ZFYVE28: variants seen among roughly 807,000 people sequenced by gnomAD.
The protein encoded by ZFYVE28 is zinc finger FYVE-type containing 28, also known as lateral signaling target protein 2 homolog.
In ZFYVE28, 40 loss-of-function variants were observed where a neutral mutation model predicts 82.1. The ratio of observed to expected loss-of-function variants is 0.49; its 90% confidence interval spans 0.38 to 0.63. The LOEUF (loss-of-function observed/expected upper bound fraction) is 0.63, where lower values mean the gene tolerates loss of function less well. ZFYVE28 is among the 30% of genes least tolerant of loss of function. The pLI is 0.00. For missense variants in ZFYVE28, 1,321 were observed against 1,242.1 expected (o/e 1.06, Z -0.96); for synonymous variants, 612 against 546.1 (o/e 1.12, Z -1.68).
Position 2,325,497 on chromosome 4 carries a change from C to T in ZFYVE28, c.702-5226G>A, listed in dbSNP as rs1719722516. 2.0e-5 allele frequency among the ~76,000 whole-genome samples: 3 copies of T among 151,732 alleles called. No homozygotes were observed. In the South Asian group the frequency reaches 6.2e-4, roughly 31 times the overall value. On this transcript the variant is annotated intron_variant, in intron 6 of 12. Transcript: ENST00000290974. ...ACTGCATATGATAAAAGCGTTTGTG[C>T]AAAAATACATTCATGGCTTCAAAAA...
chr4:2,303,498 A>G (rs1257929815), intron 8 of ZFYVE28, among the ~76,000 whole-genome samples: 4 of 152,176 alleles, frequency 2.6e-5, no homozygotes, highest in Non-Finnish European at 5.9e-5. Context: ...AGCGAGGCCT[A>G]TAGACACGGC....
At chr4:2,387,489 C>T (rs1166562976) in intron 1 of ZFYVE28, among the ~76,000 whole-genome samples, 1 of 152,214 alleles carries the variant, frequency 6.6e-6, no homozygotes, top group African/African-American at 2.4e-5. Context: ...CAGGGATGTG[C>T]CGCCCCACTT....
At chr4:2,315,906 T>G (rs1718138432) in intron 7 of ZFYVE28, among the ~76,000 whole-genome samples, 1 of 152,106 alleles carries the variant, frequency 6.6e-6, no homozygotes, top group Admixed American at 6.5e-5. Context: ...TCCAATTATG[T>G]TTTTTAGGCC....
At chr4:2,274,302 C>A in intron 8 of ZFYVE28, 86 bp from the exon 9 acceptor site, 1 of 1,500,116 alleles carries the variant, frequency 6.7e-7, no homozygotes, top group South Asian at 1.3e-5. Flanking sequence ...AGACAAAAGT[C>A]TGTGTCCTCG....
Position 2,379,179 on chromosome 4 carries a change from G to T in ZFYVE28, c.40-25106C>A, listed in dbSNP as rs149195713. 4.3e-3 allele frequency among the ~76,000 whole-genome samples: 660 copies of T among 152,334 alleles called. 8 individuals are homozygous for T. The highest frequency in any genetic ancestry group is 0.015 in the African/African-American group (631 of 41,572). On this transcript the variant is annotated intron_variant, in intron 1 of 12. Transcript: ENST00000290974. ...CAGCAGAACCCGTGCCAGAGAGCAA[G>T]GAGGTGTGGGCATTGGGGGGACCGC...
intron 7 of ZFYVE28, among the ~76,000 whole-genome samples, chr4:2,308,704 A>AAAGAAAAG (rs1217492004): frequency 8.0e-6 from 1 of 124,626 alleles, no homozygotes. Flanking sequence ...AAAGAAAAGA[A>AAAGAAAAG]AAAAGAAAAG....
At chr4:2,381,720 A>T (rs1318034416) in intron 1 of ZFYVE28, among the ~76,000 whole-genome samples, 1 of 152,230 alleles carries the variant, frequency 6.6e-6, no homozygotes, top group Non-Finnish European at 1.5e-5. Context: ...ACAATGTGAT[A>T]GAAGAGAAAA....
At chr4:2,405,421 TG>T (rs1205950635) in intron 1 of ZFYVE28, among the ~76,000 whole-genome samples, 1 of 152,228 alleles carries the variant, frequency 6.6e-6, no homozygotes, top group East Asian at 1.9e-4. Context: ...TCAGACGCTG[TG>T]GGAGGCTGCA....
At chr4:2,398,690 T>G (rs11725060) in intron 1 of ZFYVE28, among the ~76,000 whole-genome samples, 3,178 of 9,842 alleles carry the variant, frequency 0.32, 657 homozygotes, top group Middle Eastern at 0.43. Context: ...CAGGGCACAA[T>G]GGGGGGTCGA....
rs1170250551 is a variant in ZFYVE28, at chr4:2,396,177, T to C, written c.39+22108A>G. On this transcript the variant is annotated intron_variant, in intron 1 of 12. Transcript: ENST00000290974. ...GCCATCCTGCAGAGGGGACACAAGG[T>C]GGGGGTGTCTGAGCTGATGGGACCA... 5.6e-3 allele frequency among the ~76,000 whole-genome samples: 73 copies of C among 12,964 alleles called. 12 individuals are homozygous for C. Among genetic ancestry groups the C allele is most frequent in the East Asian group, 0.05 (12 of 242 alleles). 8.5% of individuals were successfully genotyped at this position (12,964 alleles called of 152,430 possible).
At position 2,337,458 on chromosome 4, in the gene ZFYVE28, TC is replaced by T. The variant is rs1431015516; in HGVS notation, c.559del (p.Glu187SerfsTer25). On this transcript the variant is annotated frameshift_variant, in exon 5 of 13. Transcript: ENST00000290974. LOFTEE classifies it high-confidence loss of function. Reference protein sequence around the residue: ...SAMVPVKSPREYYVQQEVIVL... With the variant: ...SAMVPVKSPRXYYVQQEVIVL... ...GATGACCTCCTGCTGCACGTAGTAC[TC>T]CCTGGGGGACTTCACAGGCACCATG... 6.2e-7 allele frequency: 1 copy of T among 1,610,462 alleles called. No homozygotes were observed. The highest frequency in any genetic ancestry group is 1.7e-5 in the Admixed American group (1 of 59,696).
At chr4:2,319,818 T>TGGTGGGGATGGTGGGGAC (rs1718789516) in intron 7 of ZFYVE28, among the ~76,000 whole-genome samples, 4 of 55,396 alleles carry the variant, frequency 7.2e-5, no homozygotes, top group Non-Finnish European at 1.1e-4. Context: ...ACGGTGGGGA[T>TGGTGGGGATGGTGGGGAC]GGTGGGGATG....
intron 1 of ZFYVE28, among the ~76,000 whole-genome samples, chr4:2,400,341 A>G (rs1258827805): frequency 6.6e-6 from 1 of 152,036 alleles, no homozygotes; most frequent in Non-Finnish European, 1.5e-5. Context: ...TCATCAAGTG[A>G]CGCCCTTAAG....
At chr4:2,374,630 A>AAGG (rs1727920798) in intron 1 of ZFYVE28, among the ~76,000 whole-genome samples, 1 of 148,762 alleles carries the variant, frequency 6.7e-6, no homozygotes, top group African/African-American at 2.4e-5. Context: ...AGAAAAGAAG[A>AAGG]AGAAGGAGAA....
At chr4:2,297,025 G>T (rs1714679801) in intron 8 of ZFYVE28, among the ~76,000 whole-genome samples, 2 of 152,236 alleles carry the variant, frequency 1.3e-5, no homozygotes, top group South Asian at 2.1e-4. Context: ...CATGGCCCTT[G>T]GTTGAGGCCC....
chr4:2,281,518 G>C (rs1013134476), intron 8 of ZFYVE28, among the ~76,000 whole-genome samples: 3 of 152,204 alleles, frequency 2.0e-5, no homozygotes, highest in Non-Finnish European at 4.4e-5. Flanking sequence ...GGGCAAGAGA[G>C]AGGGGAAGGG....
At position 2,278,097 on chromosome 4, in the gene ZFYVE28, C is replaced by T. The variant is rs1032561454; in HGVS notation, c.2052-3881G>A. Among the ~76,000 whole-genome samples the T allele has an allele frequency of 1.2e-4, 18 of 152,092 alleles. 1 individual carries two copies. The highest frequency in any genetic ancestry group is 1.9e-4 in the East Asian group (1 of 5,204). On this transcript the variant is annotated intron_variant, in intron 8 of 12. Coordinates refer to ENST00000290974, the MANE Select transcript of ZFYVE28 (RefSeq NM_020972.3). ...GAATAGTCTTTTCAACAAATGCTGC[C>T]GGAAAACCGGAGACACACATGCAAA...
At position 2,362,332 on chromosome 4, in the gene ZFYVE28, A is replaced by G. The variant is rs1726275503; in HGVS notation, c.40-8259T>C. On this transcript the variant is annotated intron_variant, in intron 1 of 12. Coordinates refer to ENST00000290974, the MANE Select transcript of ZFYVE28 (RefSeq NM_020972.3). The surrounding 1 kb of genome is among the most constrained non-coding windows in gnomAD (Gnocchi z 5.1). ...AGCACCAGGAATCCAAGAGCATCGC[A>G]AAGAAGCCAGGGAAGAGCCTCTGCC... Among the ~76,000 whole-genome samples the G allele has an allele frequency of 6.6e-6, 1 of 152,132 alleles. No homozygotes were observed. Among genetic ancestry groups the G allele is most frequent in the Non-Finnish European group, 1.5e-5 (1 of 68,008 alleles).
intron 8 of ZFYVE28, among the ~76,000 whole-genome samples, chr4:2,283,201 C>T (rs1712191847): frequency 6.6e-6 from 1 of 150,464 alleles, no homozygotes; most frequent in African/African-American, 2.5e-5. Flanking sequence ...TCCACCAATC[C>T]ATGCATCCAT....
Sources: allele counts gnomAD v4.1 joint callset (sites outside exome capture counted in the v4.1 genomes callset), GRCh38; gene constraint gnomAD v4.1.1; non-coding constraint Gnocchi (gnomAD v3.1); transcripts MANE v1.5; gene names NCBI Gene and HGNC (gene_info 2026-07-23, HGNC 2026-07-21).